The following HMGA2 variants were observed in gnomAD, a reference collection of about 807,000 sequenced individuals.
HMGA2 encodes high mobility group protein HMGI-C.
HMGA2 carries 8 observed loss-of-function variants against 19.1 expected under a neutral mutation model. That is an observed-to-expected ratio of 0.42 (90% CI 0.25 to 0.76). The LOEUF (loss-of-function observed/expected upper bound fraction) is 0.76. Among genes scored for constraint, HMGA2 ranks in the 30% least tolerant of loss-of-function variants. The pLI, the probability that HMGA2 is intolerant of heterozygous loss-of-function variation, is 0.28. For synonymous variants in HMGA2, 60 were observed against 48.8 expected (o/e 1.23, Z -0.96); for missense variants, 109 against 136.3 (o/e 0.80, Z 1.00).
At chr12:65,930,518 T>C (rs913800548) in intron 3 of HMGA2, among the ~76,000 whole-genome samples, 1 of 152,238 alleles carries the variant, frequency 6.6e-6, no homozygotes, top group Non-Finnish European at 1.5e-5. Context: ...ACTGAATTTG[T>C]AATTTCCATG....
chr12:65,893,356 A>G (rs969651733), intron 3 of HMGA2, among the ~76,000 whole-genome samples: 4 of 152,228 alleles, frequency 2.6e-5, no homozygotes, highest in African/African-American at 9.6e-5. Flanking sequence ...AACAAGGCCA[A>G]ATGGATACAT....
In HMGA2 at chr12:65,903,383, A is replaced by G. The variant is rs538013726; in HGVS notation, c.250-48000A>G. ...TTTTAAATCAATTGATTTTTCAGCC[A>G]TCAGTTTGAGTAACATAAATTGCAG... On this transcript the variant is annotated intron_variant, in intron 3 of 4. Transcript: ENST00000403681. 2.0e-5 allele frequency among the ~76,000 whole-genome samples: 3 copies of G among 152,338 alleles called. No homozygotes were observed. The East Asian group carries it at 5.8e-4, about 29-fold the overall frequency.
intron 4 of HMGA2, chr12:65,952,304 A>T: frequency 3.8e-6 from 5 of 1,325,974 alleles, no homozygotes; most frequent in East Asian, 5.1e-5. Context: ...TATCCATGAA[A>T]TTTTTTTCCC....
intron 3 of HMGA2, among the ~76,000 whole-genome samples, chr12:65,936,442 A>G (rs1352220539): frequency 6.6e-6 from 1 of 152,174 alleles, no homozygotes; most frequent in African/African-American, 2.4e-5. Context: ...GTTGCCATAC[A>G]TATTCCTGTG....
intron 2 of HMGA2, among the ~76,000 whole-genome samples, chr12:65,831,839 A>T (rs1172167719): frequency 6.6e-6 from 1 of 151,976 alleles, no homozygotes; most frequent in African/African-American, 2.4e-5. Flanking sequence ...GAGTGAGGAC[A>T]GAATTTTCTT....
At chr12:65,954,863 T>A (rs1345639627) in intron 4 of HMGA2, 1 of 152,222 alleles carries the variant, frequency 6.6e-6, no homozygotes, top group African/African-American at 2.4e-5. Context: ...TCTACTATAT[T>A]TCCACTTCAA....
intron 3 of HMGA2, among the ~76,000 whole-genome samples, chr12:65,917,716 T>C (rs1875160343): frequency 6.6e-6 from 1 of 152,196 alleles, no homozygotes; most frequent in Non-Finnish European, 1.5e-5. Context: ...TGGAGTTTCC[T>C]GGAGTGTGCA....
intron 3 of HMGA2, among the ~76,000 whole-genome samples, chr12:65,924,792 G>A (rs537195814): frequency 2.0e-4 from 30 of 152,176 alleles, no homozygotes; most frequent in South Asian, 1.5e-3. Context: ...GCAAGACTCC[G>A]TCTCCAAAAA....
chr12:65,900,496 A>G (rs1874327051), intron 3 of HMGA2, among the ~76,000 whole-genome samples: 1 of 152,212 alleles, frequency 6.6e-6, no homozygotes, highest in African/African-American at 2.4e-5. Context: ...TTCAGGTAGA[A>G]ACCAGACAAG....
intron 3 of HMGA2, among the ~76,000 whole-genome samples, chr12:65,880,047 G>C (rs1481894879): frequency 6.6e-6 from 1 of 152,190 alleles, no homozygotes. Flanking sequence ...ATTTTACAGT[G>C]GTTGACCAAA....
intron 3 of HMGA2, among the ~76,000 whole-genome samples, chr12:65,894,749 T>C (rs1007266728): frequency 3.3e-5 from 5 of 152,306 alleles, no homozygotes; most frequent in African/African-American, 1.2e-4. Flanking sequence ...ATAAACTTTA[T>C]GGAAGTACAC....
chr12:65,879,054 C>T (rs766661877), intron 3 of HMGA2, among the ~76,000 whole-genome samples: 14 of 152,206 alleles, frequency 9.2e-5, no homozygotes, highest in Non-Finnish European at 1.5e-4. Flanking sequence ...ATTTTTGACA[C>T]ATAGGTATAA....
At chr12:65,932,227 G>GTTAT (rs1245414369) in intron 3 of HMGA2, among the ~76,000 whole-genome samples, 2 of 152,202 alleles carry the variant, frequency 1.3e-5, no homozygotes, top group Non-Finnish European at 2.9e-5. Flanking sequence ...AGATAGTTGA[G>GTTAT]TTATTGCCTT....
At chr12:65,826,552 C>A (rs1870204594) in intron 1 of HMGA2, 2 of 152,148 alleles carry the variant, frequency 1.3e-5, no homozygotes, top group African/African-American at 4.8e-5. Context: ...GGTGGGGAAA[C>A]TGAACAATGT....
chr12:65,871,289 T>C (rs1187986177), intron 3 of HMGA2, among the ~76,000 whole-genome samples: 1 of 152,190 alleles, frequency 6.6e-6, no homozygotes, highest in Non-Finnish European at 1.5e-5. Context: ...GTATTGTCTA[T>C]ACCTGCTTTC....
intron 3 of HMGA2, among the ~76,000 whole-genome samples, chr12:65,850,408 A>G (rs1279185376): frequency 1.3e-5 from 2 of 152,172 alleles, no homozygotes; most frequent in Non-Finnish European, 2.9e-5. Context: ...GCTATGATAA[A>G]GCAAATGGGT....
intron 3 of HMGA2, among the ~76,000 whole-genome samples, chr12:65,935,926 T>C (rs1875876603): frequency 6.6e-6 from 1 of 152,184 alleles, no homozygotes; most frequent in African/African-American, 2.4e-5. Flanking sequence ...CTGTAAAGTC[T>C]TGCAGGGTAG....
In HMGA2 at chr12:65,964,300, A is replaced by G. The variant is rs77164510; in HGVS notation, c.*1008A>G. On this transcript the variant is annotated 3_prime_UTR_variant, in exon 5 of 5. Coordinates refer to ENST00000403681, the MANE Select transcript of HMGA2 (RefSeq NM_003483.6). ...TCAATTTAAAAAGCAAAAAAAAAAA[A>G]GGGGGGGGCAATCTCTCTCTGTGTC... 12,640 of 148,106 alleles carry G rather than the reference A, an allele frequency of 0.085. 513 individuals carry two copies. Among genetic ancestry groups the G allele is most frequent in the Non-Finnish European group, 0.12 (7,915 of 67,002 alleles). 9.2% of individuals were successfully genotyped at this position (148,106 alleles called of 1,614,324 possible).
At chr12:65,898,782 C>T (rs1435092417) in intron 3 of HMGA2, among the ~76,000 whole-genome samples, 2 of 152,072 alleles carry the variant, frequency 1.3e-5, no homozygotes, top group Non-Finnish European at 2.9e-5. Flanking sequence ...CAGTGGCTCA[C>T]GCCTTTAATC....
Sources: gnomAD v4.1 joint callset for allele counts (sites outside exome capture counted in the v4.1 genomes callset) on GRCh38, gnomAD v4.1.1 for gene constraint, MANE v1.5 for transcripts, NCBI Gene and HGNC (gene_info 2026-07-23, HGNC 2026-07-21) for gene names.